Variants in DCBLD2 observed in about 807,000 individuals in gnomAD.
The protein encoded by DCBLD2 is discoidin, CUB and LCCL domain-containing protein 2.
DCBLD2 carries 54 observed loss-of-function variants against 86.8 expected under a neutral mutation model. The observed-to-expected ratio is 0.62, with a 90% CI of 0.50 to 0.78. The LOEUF is 0.78. DCBLD2 is among the 30% of genes least tolerant of loss of function. The pLI is 0.00. For missense variants in DCBLD2, 908 were observed against 954.2 expected (o/e 0.95, Z 0.64); for synonymous variants, 354 against 341.3 (o/e 1.04, Z -0.41).
In DCBLD2 at chr3:98,839,144, C is replaced by CTTCCTTCTTTCT. The variant is rs1491105632; in HGVS notation, c.571+10316_571+10317insAGAAAGAAGGAA. 1.3e-3 allele frequency among the ~76,000 whole-genome samples: 145 copies of CTTCCTTCTTTCT among 111,032 alleles called. 1 individual carries two copies. The highest frequency in any genetic ancestry group is 4.9e-3 in the African/African-American group (139 of 28,472). 72.8% of individuals were successfully genotyped at this position (111,032 alleles called of 152,430 possible). On this transcript the variant is annotated intron_variant, in intron 3 of 15. Transcript: ENST00000326840. ...TTTTCTTTCTTTCCTTCCTTCCTTC[C>CTTCCTTCTTTCT]TTCTTTCTTTCTTTCTTTCTTTCTT...
At chr3:98,832,646 G>A (rs773456485) in intron 3 of DCBLD2, among the ~76,000 whole-genome samples, 4 of 152,234 alleles carry the variant, frequency 2.6e-5, no homozygotes, top group East Asian at 3.9e-4. Flanking sequence ...TAATGAACTC[G>A]CTTAGCATTT....
intron 1 of DCBLD2, 63 bp downstream of exon 1, chr3:98,901,059 G>A (rs930850765): frequency 4.7e-5 from 72 of 1,534,446 alleles, no homozygotes; most frequent in Non-Finnish European, 5.6e-5. Context: ...TTTGTTCAGG[G>A]GCCAAGAGAC....
intron 2 of DCBLD2, among the ~76,000 whole-genome samples, chr3:98,869,272 T>C (rs1044243730): frequency 6.6e-6 from 1 of 152,210 alleles, no homozygotes; most frequent in South Asian, 2.1e-4. Flanking sequence ...TGTCTGTTCA[T>C]GTTGTTTGTC....
intron 2 of DCBLD2, among the ~76,000 whole-genome samples, chr3:98,863,936 G>C (rs954230076): frequency 1.3e-5 from 2 of 152,044 alleles, no homozygotes; most frequent in African/African-American, 2.4e-5. Flanking sequence ...CAGGATGGGA[G>C]AAAATTTTTG....
intron 13 of DCBLD2, among the ~76,000 whole-genome samples, chr3:98,802,263 T>C (rs1576153075): frequency 6.6e-6 from 1 of 152,324 alleles, no homozygotes; most frequent in Non-Finnish European, 1.5e-5. Flanking sequence ...TGGTGTGAGA[T>C]GGTATCTCAT....
intron 2 of DCBLD2, among the ~76,000 whole-genome samples, chr3:98,854,674 T>C (rs540992327): frequency 8.7e-4 from 132 of 152,362 alleles, no homozygotes; most frequent in African/African-American, 2.8e-3. Flanking sequence ...TTAAATTATG[T>C]TTTTCTACAA....
intron 2 of DCBLD2, among the ~76,000 whole-genome samples, chr3:98,872,629 G>T (rs1324103323): frequency 1.3e-5 from 2 of 152,074 alleles, no homozygotes; most frequent in Admixed American, 1.3e-4. Flanking sequence ...TAGGCAATAG[G>T]TAGAAAATAA....
rs1941646904 is a variant in DCBLD2, at chr3:98,798,115, G to A, written c.*1257C>T. 6.6e-6 allele frequency: 1 copy of A among 152,134 alleles called. No individual in the cohort carries two copies. Among genetic ancestry groups the A allele is most frequent in the African/African-American group, 2.4e-5 (1 of 41,420 alleles). The allele number at this position is 152,134 out of a possible 1,614,324, so 9.4% of individuals were successfully genotyped here. On this transcript the variant is annotated 3_prime_UTR_variant, in exon 16 of 16. Transcript: ENST00000326840. ...AGCTGCCAGGAGGTATCAAAAACAA[G>A]GCATGAATATTCATTTGCTAGTAAG...
intron 3 of DCBLD2, among the ~76,000 whole-genome samples, chr3:98,835,531 C>A (rs1367502664): frequency 6.7e-6 from 1 of 149,858 alleles, no homozygotes; most frequent in Non-Finnish European, 1.5e-5. Flanking sequence ...TCCTCTCACT[C>A]CGTATGCTAT....
At position 98,864,039 on chromosome 3, in the gene DCBLD2, C is replaced by A. The variant is rs569784436; in HGVS notation, c.434-14441G>T. Among the ~76,000 whole-genome samples the A allele has an allele frequency of 3.3e-5, 5 of 152,276 alleles. No individual in the cohort carries two copies. In the East Asian group the frequency reaches 5.8e-4, roughly 18 times the overall value. ...AAAAACAACCCCATCAACAAGTGGG[C>A]GAACGATATGAACAGACACTTCTCA... On this transcript the variant is annotated intron_variant, in intron 2 of 15. Transcript: ENST00000326840.
chr3:98,835,767 C>T (rs1207556030), intron 3 of DCBLD2, among the ~76,000 whole-genome samples: 3 of 151,476 alleles, frequency 2.0e-5, no homozygotes, highest in Non-Finnish European at 4.4e-5. Flanking sequence ...CCAGGCTGGT[C>T]TCAAGCTCCT....
intron 3 of DCBLD2, 118 bp from the exon 4 acceptor site, chr3:98,825,484 C>T (rs542936052): frequency 3.3e-5 from 24 of 733,860 alleles, no homozygotes; most frequent in Non-Finnish European, 5.3e-5. Context: ...CTCAATGGCA[C>T]TGTCAAAGTG....
At chr3:98,862,993 T>C (rs1341730266) in intron 2 of DCBLD2, among the ~76,000 whole-genome samples, 3 of 152,242 alleles carry the variant, frequency 2.0e-5, no homozygotes, top group Non-Finnish European at 2.9e-5. Flanking sequence ...GCCCAAAATC[T>C]TCTTAAGCTG....
chr3:98,879,409 C>T (rs1207956295), intron 2 of DCBLD2, among the ~76,000 whole-genome samples: 9 of 151,976 alleles, frequency 5.9e-5, no homozygotes, highest in African/African-American at 9.7e-5. Context: ...TTTTTTGAGA[C>T]GGAGTCTTGC....
chr3:98,829,673 T>C (rs1313712607), intron 3 of DCBLD2, among the ~76,000 whole-genome samples: 3 of 152,254 alleles, frequency 2.0e-5, no homozygotes, highest in Non-Finnish European at 4.4e-5. Flanking sequence ...CTACCATTAA[T>C]GGACATTTAG....
intron 1 of DCBLD2, chr3:98,900,799 G>T: frequency 2.5e-6 from 1 of 398,038 alleles, no homozygotes; most frequent in Non-Finnish European, 4.7e-6. Context: ...TAACTTTAGG[G>T]GTCATTACCT....
intron 3 of DCBLD2, among the ~76,000 whole-genome samples, chr3:98,834,978 T>TA (rs1942404514): frequency 6.7e-6 from 1 of 148,458 alleles, no homozygotes; most frequent in Non-Finnish European, 1.5e-5. Flanking sequence ...TTCTTTTTTT[T>TA]TTTTATTTTT....
At chr3:98,853,736 A>T (rs1942880624) in intron 2 of DCBLD2, among the ~76,000 whole-genome samples, 1 of 152,262 alleles carries the variant, frequency 6.6e-6, no homozygotes, top group Admixed American at 6.5e-5. Flanking sequence ...CCAGAAGTAT[A>T]ATTAATATTG....
intron 2 of DCBLD2, among the ~76,000 whole-genome samples, chr3:98,877,758 A>G (rs1943395864): frequency 6.6e-6 from 1 of 152,190 alleles, no homozygotes; most frequent in Non-Finnish European, 1.5e-5. Context: ...GGCTGATTCC[A>G]GGGCTGGAGC....
Sources: gnomAD v4.1 joint callset for allele counts (sites outside exome capture counted in the v4.1 genomes callset) on GRCh38, gnomAD v4.1.1 for gene constraint, MANE v1.5 for transcripts, NCBI Gene and HGNC (gene_info 2026-07-23, HGNC 2026-07-21) for gene names.